The following SCAF4 variants were observed in gnomAD, a reference collection of about 807,000 sequenced individuals.
SCAF4 encodes SR-related CTD associated factor 4.
A neutral mutation model predicts 129.8 loss-of-function variants in SCAF4; 25 were observed. The ratio of observed to expected loss-of-function variants is 0.19; its 90% confidence interval spans 0.14 to 0.27. SCAF4 has a LOEUF of 0.27. SCAF4 is among the 10% of genes least tolerant of loss of function. The probability of loss-of-function intolerance (pLI) is 1.00; values close to 1 mark genes in which losing one functional copy is unlikely to be tolerated. For missense variants in SCAF4, 1,246 were observed against 1,457.1 expected (o/e 0.86, Z 2.36); for synonymous variants, 551 against 497.7 (o/e 1.11, Z -1.43).
At chr21:31,693,273 T>G (rs2050302462) in intron 12 of SCAF4, 21 bp downstream of exon 12, 1 of 1,426,700 alleles carries the variant, frequency 7.0e-7, no homozygotes, top group African/African-American at 1.5e-5. Flanking sequence ...ACATGAGGTT[T>G]GAATATAAAG....
chr21:31,696,516 C>G (rs1164819998), intron 8 of SCAF4, 53 bp downstream of exon 8: 44 of 1,480,254 alleles, frequency 3.0e-5, no homozygotes, highest in Middle Eastern at 4.4e-4. Flanking sequence ...TAGGTTATGC[C>G]TTACAACTAT....
intron 1 of SCAF4, among the ~76,000 whole-genome samples, chr21:31,721,856 G>T (rs1457387203): frequency 6.6e-6 from 1 of 151,864 alleles, no homozygotes; most frequent in Non-Finnish European, 1.5e-5. Flanking sequence ...GAGTAGCTGG[G>T]ATTACAGGCA....
chr21:31,731,616 G>T, intron 1 of SCAF4, 47 bp downstream of exon 1: 2 of 1,577,142 alleles, frequency 1.3e-6, no homozygotes, highest in Non-Finnish European at 8.6e-7. Flanking sequence ...AACGAGCCCC[G>T]GCTCCCGCAG....
chr21:31,701,574 ATTTCTAAGTGTGTTGT>A (rs1231969995), intron 6 of SCAF4, among the ~76,000 whole-genome samples, 186 bp downstream of exon 6: 1 of 152,174 alleles, frequency 6.6e-6, no homozygotes, highest in Non-Finnish European at 1.5e-5. Context: ...AGGTACTGTC[ATTTCTAAGTGTGTTGT>A]TCCCTTGTTT....
intron 7 of SCAF4, among the ~76,000 whole-genome samples, chr21:31,697,844 G>C (rs542937530): frequency 5.9e-5 from 9 of 152,198 alleles, no homozygotes; most frequent in Non-Finnish European, 1.3e-4. Context: ...GTAGTTCTAG[G>C]CCAAGTGAGT....
At chr21:31,708,254 T>C (rs903804017) in intron 1 of SCAF4, among the ~76,000 whole-genome samples, 2 of 152,038 alleles carry the variant, frequency 1.3e-5, no homozygotes, top group African/African-American at 4.8e-5. Flanking sequence ...CGGGCACCTG[T>C]AGTCCCAGCT....
intron 19 of SCAF4, among the ~76,000 whole-genome samples, chr21:31,676,753 T>C (rs1354001800): frequency 6.6e-6 from 1 of 152,220 alleles, no homozygotes; most frequent in Non-Finnish European, 1.5e-5. Flanking sequence ...TCAATGGTTT[T>C]AGTATATTCA....
intron 19 of SCAF4, among the ~76,000 whole-genome samples, chr21:31,679,701 T>C (rs988541331): frequency 6.6e-6 from 1 of 152,200 alleles, no homozygotes; most frequent in Non-Finnish European, 1.5e-5. Flanking sequence ...TCATCTATTT[T>C]TGGCATAAGG....
chr21:31,673,918 T>C (rs2049781582), intron 19 of SCAF4, among the ~76,000 whole-genome samples: 1 of 152,230 alleles, frequency 6.6e-6, no homozygotes, highest in Non-Finnish European at 1.5e-5. Context: ...GAGGTCAGCA[T>C]AGAACATTCT....
chr21:31,672,345 CCTT>C lies in SCAF4; in HGVS notation c.2495_2497del (p.Gln832_Gly833delinsArg). 1 of 1,612,150 alleles carries C rather than the reference CCTT, an allele frequency of 6.2e-7. No homozygotes were observed. Among genetic ancestry groups the C allele is most frequent in the South Asian group, 1.1e-5 (1 of 90,998 alleles). ...TCCAATTACAGGACCAGGGGCAACT[CCTT>C]GAGTGCCTAAAAGACGACAAAAATA... On this transcript the variant is annotated inframe_deletion, in exon 20 of 20. Transcript: ENST00000286835.
intron 1 of SCAF4, among the ~76,000 whole-genome samples, chr21:31,725,253 T>G (rs1036393921): frequency 6.6e-6 from 1 of 151,912 alleles, no homozygotes; most frequent in East Asian, 1.9e-4. Context: ...ACCCCAAACA[T>G]TAACACTACA....
intron 7 of SCAF4, among the ~76,000 whole-genome samples, chr21:31,700,299 T>C (rs2050493894): frequency 6.6e-6 from 1 of 151,586 alleles, no homozygotes; most frequent in South Asian, 2.1e-4. Flanking sequence ...ACAGACGGAG[T>C]CTCACTATGT....
chr21:31,678,788 C>A (rs913632553), intron 19 of SCAF4, among the ~76,000 whole-genome samples: 1 of 152,152 alleles, frequency 6.6e-6, no homozygotes, highest in African/African-American at 2.4e-5. Context: ...CCCTAGCAAT[C>A]GTATTTAAAA....
At chr21:31,685,377 C>A in intron 18 of SCAF4, 21 bp downstream of exon 18, 1 of 1,592,456 alleles carries the variant, frequency 6.3e-7, no homozygotes, top group African/African-American at 1.3e-5. Context: ...TAAGCAAACA[C>A]AAAGAAAAAA....
intron 1 of SCAF4, among the ~76,000 whole-genome samples, chr21:31,730,861 G>A (rs1254264985): frequency 6.6e-6 from 1 of 152,220 alleles, no homozygotes; most frequent in Non-Finnish European, 1.5e-5. Flanking sequence ...ACATGTAAAT[G>A]TCCTCGTAGA....
chr21:31,671,238 G>T lies in SCAF4; in HGVS notation c.*161C>A. 1 of 579,224 alleles carries T rather than the reference G, an allele frequency of 1.7e-6. No homozygotes were observed. Among genetic ancestry groups the T allele is most frequent in the Non-Finnish European group, 2.8e-6 (1 of 362,480 alleles). The allele number at this position is 579,224 out of a possible 1,614,324, so 35.9% of individuals were successfully genotyped here. ...TTTTCAGTATTTTTTGTTATTTTGTGGCTATTTTTAAATAGAAGGGAAGCA... is the reference window on the plus strand; with the variant it reads ...TTTTCAGTATTTTTTGTTATTTTGTTGCTATTTTTAAATAGAAGGGAAGCA... On this transcript the variant is annotated 3_prime_UTR_variant, in exon 20 of 20. Transcript: ENST00000286835.
intron 16 of SCAF4, among the ~76,000 whole-genome samples, chr21:31,687,509 AG>A (rs2050153789): frequency 1.3e-5 from 2 of 152,216 alleles, no homozygotes; most frequent in South Asian, 2.1e-4. Flanking sequence ...TTGCTTTTCA[AG>A]TAACAGGTTG....
In SCAF4 at chr21:31,703,377, G is replaced by T. The variant is rs541135116; in HGVS notation, c.321+388C>A. 3.3e-5 allele frequency among the ~76,000 whole-genome samples: 5 copies of T among 152,220 alleles called. No homozygotes were observed. In the South Asian group the frequency reaches 1.0e-3, roughly 32 times the overall value. On this transcript the variant is annotated intron_variant, in intron 4 of 19. Transcript: ENST00000286835. ...CTACTCACTTAGCCAATTTTTAAGTGTACAATACAGAATTGTTAACTATAG... is the reference window on the plus strand; with the variant it reads ...CTACTCACTTAGCCAATTTTTAAGTTTACAATACAGAATTGTTAACTATAG...
intron 19 of SCAF4, chr21:31,684,296 C>T (rs557839052): frequency 1.3e-5 from 2 of 153,208 alleles, no homozygotes; most frequent in African/African-American, 2.4e-5. Flanking sequence ...TTTGGCAATA[C>T]CACTTCAAAT....
Sources: gnomAD v4.1 joint callset for allele counts (sites outside exome capture counted in the v4.1 genomes callset) on GRCh38, gnomAD v4.1.1 for gene constraint, MANE v1.5 for transcripts, NCBI Gene and HGNC (gene_info 2026-07-23, HGNC 2026-07-21) for gene names.